The following DCK variants were observed in gnomAD, a reference collection of about 807,000 sequenced individuals.
The protein encoded by DCK is deoxycytidine kinase, also known as deoxyadenosine kinase.
Under a neutral mutation model 38.3 loss-of-function variants are expected in DCK, and 23 were observed. The ratio of observed to expected loss-of-function variants is 0.60; its 90% CI spans 0.43 to 0.85. The LOEUF is 0.85. DCK is among the 40% of genes least tolerant of loss of function. The pLI is 0.00. For missense variants in DCK, 259 were observed against 304.4 expected (o/e 0.85, Z 1.11); for synonymous variants, 108 against 100.6 (o/e 1.07, Z -0.44).
chr4:71,008,046 C>T (rs1172424290), intron 2 of DCK, among the ~76,000 whole-genome samples: 5 of 152,212 alleles, frequency 3.3e-5, no homozygotes, highest in South Asian at 4.1e-4. Flanking sequence ...TAATTTTATT[C>T]GTCTATCACT....
intron 2 of DCK, among the ~76,000 whole-genome samples, chr4:71,011,062 A>G (rs1345070382): frequency 6.6e-6 from 1 of 151,082 alleles, no homozygotes; most frequent in East Asian, 1.9e-4. Context: ...TTAGCCTTCC[A>G]AGTAGCTGGA....
intron 5 of DCK, 34 bp downstream of exon 5, chr4:71,025,965 ATACCTTTGT>A: frequency 6.5e-7 from 1 of 1,529,944 alleles, no homozygotes; most frequent in Non-Finnish European, 8.7e-7. Flanking sequence ...TTCATTTTAA[ATACCTTTGT>A]TACCTTTGTT....
chr4:71,025,666 G>GA, intron 4 of DCK, 150 bp from the exon 5 acceptor site: 4 of 1,087,780 alleles, frequency 3.7e-6, no homozygotes, highest in East Asian at 6.0e-5. Flanking sequence ...CTCATGGAGG[G>GA]AAAAATGAAT....
intron 2 of DCK, among the ~76,000 whole-genome samples, chr4:71,020,751 C>T (rs932226959): frequency 7.9e-5 from 12 of 151,968 alleles, no homozygotes; most frequent in African/African-American, 4.8e-5. Flanking sequence ...CATTCATTTT[C>T]GATGTTCAAA....
At chr4:71,009,882 T>C (rs1346400117) in intron 2 of DCK, among the ~76,000 whole-genome samples, 1 of 152,220 alleles carries the variant, frequency 6.6e-6, no homozygotes, top group African/African-American at 2.4e-5. Context: ...ATTTTATTTC[T>C]TCATCCAGTA....
At chr4:71,021,407 A>C (rs1740423144) in intron 2 of DCK, among the ~76,000 whole-genome samples, 1 of 152,204 alleles carries the variant, frequency 6.6e-6, no homozygotes, top group Admixed American at 6.5e-5. Context: ...AGATGATAAG[A>C]GTTTTTACTT....
intron 1 of DCK, among the ~76,000 whole-genome samples, chr4:70,994,799 T>G (rs1030596244): frequency 6.6e-6 from 1 of 152,238 alleles, no homozygotes; most frequent in African/African-American, 2.4e-5. Context: ...CATTGGATTA[T>G]GATTCAAAGA....
intron 5 of DCK, 132 bp from the exon 6 acceptor site, chr4:71,026,533 A>G (rs1295644421): frequency 1.6e-6 from 1 of 640,924 alleles, no homozygotes; most frequent in East Asian, 2.9e-5. Context: ...CAGATGAAGT[A>G]CTGCAAAGTA....
intron 1 of DCK, among the ~76,000 whole-genome samples, chr4:70,996,489 GACA>G (rs761364865): frequency 2.0e-5 from 3 of 152,180 alleles, no homozygotes; most frequent in Non-Finnish European, 4.4e-5. Context: ...ATTTCTGTAT[GACA>G]ACAATTGGTG....
At position 70,993,900 on chromosome 4, in the gene DCK, A is replaced by G; in HGVS notation, c.65A>G (p.Lys22Arg). The change falls in exon 1 of 7, where the codon AAG becomes AGG. Residue 22 changes from lysine to arginine, a missense_variant. Physicochemically the swap from Lys to Arg is conservative, Grantham distance 26 (BLOSUM62 2). Around this residue, in one of 3 missense-constraint regions of DCK, gnomAD observed 159 missense variants for 159.0 expected, o/e 1.00. Coordinates refer to ENST00000286648, the MANE Select transcript of DCK (RefSeq NM_000788.3). ...FSASSEGTRIKKISIEGNIAA... is the reference protein window; with the variant it reads ...FSASSEGTRIRKISIEGNIAA... ...GCCAGCTCTGAGGGGACCCGCATCA[A>G]GAAAATCTCCATCGAAGGGAACATC... The G allele has an allele frequency of 1.9e-6, 3 of 1,613,980 alleles. No homozygotes were observed. The highest frequency in any genetic ancestry group is 2.5e-6 in the Non-Finnish European group (3 of 1,179,850).
At chr4:71,018,417 T>C (rs956623502) in intron 2 of DCK, among the ~76,000 whole-genome samples, 5 of 152,066 alleles carry the variant, frequency 3.3e-5, no homozygotes, top group African/African-American at 1.2e-4. Context: ...CGTGAGCCAC[T>C]GCGCCCGGCC....
chr4:70,998,453 T>G (rs1739708547), intron 2 of DCK, among the ~76,000 whole-genome samples: 1 of 152,196 alleles, frequency 6.6e-6, no homozygotes, highest in African/African-American at 2.4e-5. Context: ...ACTGTTCATA[T>G]AGCATTTACA....
At chr4:71,023,905 T>G (rs546891172) in intron 4 of DCK, among the ~76,000 whole-genome samples, 199 bp downstream of exon 4, 1 of 152,188 alleles carries the variant, frequency 6.6e-6, no homozygotes, top group East Asian at 1.9e-4. Flanking sequence ...ACTGGGCAAG[T>G]TGCTGTTTTA....
intron 6 of DCK, among the ~76,000 whole-genome samples, chr4:71,028,133 A>G (rs1740585737): frequency 6.6e-6 from 1 of 152,240 alleles, no homozygotes; most frequent in African/African-American, 2.4e-5. Context: ...TGATTCACAT[A>G]TGTGCTTCAG....
intron 1 of DCK, 51 bp from the exon 2 acceptor site, chr4:70,998,016 C>CT: frequency 7.2e-6 from 7 of 972,612 alleles, no homozygotes; most frequent in East Asian, 2.6e-5. Flanking sequence ...TACTTGACAT[C>CT]TTTTTTTCCT....
In DCK at chr4:71,029,400, G is replaced by GC. The variant is rs1405440401; in HGVS notation, c.*24dup. 2.5e-6 allele frequency: 4 copies of GC among 1,593,140 alleles called. No homozygotes were observed. The highest frequency in any genetic ancestry group is 3.4e-6 in the Non-Finnish European group (4 of 1,161,758). ...GTGATCTTGCTGAAGACTACAGGCAGCCAAATGGTTCCAGATACTTCAGCT... is the reference window on the plus strand; with the variant it reads ...GTGATCTTGCTGAAGACTACAGGCAGCCCAAATGGTTCCAGATACTTCAGCT... On this transcript the variant is annotated 3_prime_UTR_variant, in exon 7 of 7. Coordinates refer to ENST00000286648, the MANE Select transcript of DCK (RefSeq NM_000788.3).
At chr4:71,021,840 A>C (rs1394171026) in intron 2 of DCK, among the ~76,000 whole-genome samples, 1 of 152,162 alleles carries the variant, frequency 6.6e-6, no homozygotes, top group East Asian at 1.9e-4. Flanking sequence ...GTCTCTACTA[A>C]AAATGTAAAA....
At chr4:71,016,379 A>G (rs1353613261) in intron 2 of DCK, among the ~76,000 whole-genome samples, 31 of 152,218 alleles carry the variant, frequency 2.0e-4, no homozygotes, top group Non-Finnish European at 2.9e-4. Context: ...TATAGATTCA[A>G]TGCCATCCCC....
rs1416654675 is a variant in DCK at position 71,016,568 on chromosome 4, A to T, written c.208-5799A>T. Among the ~76,000 whole-genome samples, 7 of 152,338 alleles carry T rather than the reference A, an allele frequency of 4.6e-5. 1 individual carries two copies. The highest frequency in any genetic ancestry group is 1.7e-4 in the African/African-American group (7 of 41,590). On this transcript the variant is annotated intron_variant, in intron 2 of 6. Transcript: ENST00000286648. ...GCTACAGTAACCAAAACAGCATGGTACTGGTACCAAAACAGAGATATAGAC... is the reference window on the plus strand; with the variant it reads ...GCTACAGTAACCAAAACAGCATGGTTCTGGTACCAAAACAGAGATATAGAC...
Sources: gnomAD v4.1 joint callset for allele counts (sites outside exome capture counted in the v4.1 genomes callset) on GRCh38, gnomAD v4.1.1 for gene constraint, gnomAD v4.1.1 regional missense constraint, MANE v1.5 for transcripts, NCBI Gene and HGNC (gene_info 2026-07-23, HGNC 2026-07-21) for gene names.